The following RBM39 variants were observed in gnomAD, a reference collection of about 807,000 sequenced individuals.
The protein encoded by RBM39 is RNA binding motif protein 39.
Under a neutral mutation model 79.6 loss-of-function variants are expected in RBM39, and 12 were observed. The observed-to-expected ratio is 0.15, with a 90% CI of 0.10 to 0.24. The LOEUF (loss-of-function observed/expected upper bound fraction) is 0.24, where lower values mean the gene tolerates loss of function less well. Among genes scored for constraint, RBM39 ranks in the 10% least tolerant of loss-of-function variants. RBM39 has a pLI of 1.00. For missense variants in RBM39, 243 were observed against 653.4 expected, an observed-to-expected ratio of 0.37 and a Z score of 6.85; for synonymous variants, 185 against 208.4, an observed-to-expected ratio of 0.89 and a Z score of 0.97.
chr20:35,705,701 A>C (rs1390133080), intron 14 of RBM39, among the ~76,000 whole-genome samples: 1 of 151,904 alleles, frequency 6.6e-6, no homozygotes, highest in African/African-American at 2.4e-5. Flanking sequence ...AAGAGGCTGA[A>C]GCAGGAGAAT....
At chr20:35,736,356 AC>A (rs2039903117) in intron 3 of RBM39, among the ~76,000 whole-genome samples, 1 of 152,134 alleles carries the variant, frequency 6.6e-6, no homozygotes, top group Non-Finnish European at 1.5e-5. Context: ...CCAAGCTTAT[AC>A]CAGAAAAAAG....
intron 3 of RBM39, among the ~76,000 whole-genome samples, chr20:35,733,318 A>C (rs1055395477): frequency 2.0e-5 from 3 of 151,312 alleles, no homozygotes; most frequent in East Asian, 1.9e-4. Flanking sequence ...AAAAAAAAAA[A>C]AACCCAACTC....
chr20:35,729,440 A>T (rs781436437), intron 5 of RBM39, 22 bp downstream of exon 5: 1 of 1,611,434 alleles, frequency 6.2e-7, no homozygotes, highest in South Asian at 1.1e-5. Context: ...AATTTAAACA[A>T]TTCAGAAGTA....
At chr20:35,710,677 A>G (rs2146509894) in intron 12 of RBM39, 1 of 152,332 alleles carries the variant, frequency 6.6e-6, no homozygotes, top group South Asian at 2.1e-4. Flanking sequence ...AAGCACCTCA[A>G]ACACAGTAAA....
chr20:35,740,688 G>T, intron 2 of RBM39, 136 bp downstream of exon 2: 2 of 1,309,288 alleles, frequency 1.5e-6, no homozygotes, highest in Non-Finnish European at 2.2e-6. Context: ...ATTTACTTTT[G>T]TAAGTTACAC....
chr20:35,733,217 T>G (rs921730718), intron 3 of RBM39, among the ~76,000 whole-genome samples: 4 of 150,820 alleles, frequency 2.7e-5, no homozygotes, highest in African/African-American at 9.8e-5. Context: ...GCAAGAGAAT[T>G]GCTTGAACCC....
At chr20:35,707,053 A>ATT in intron 14 of RBM39, 67 bp downstream of exon 14, 5 of 503,388 alleles carry the variant, frequency 9.9e-6, no homozygotes, top group Non-Finnish European at 1.7e-5. Context: ...AAAAAAAAAG[A>ATT]GAAATATATA....
intron 11 of RBM39, 27 bp from the exon 12 acceptor site, chr20:35,713,123 T>C (rs752808992): frequency 8.2e-5 from 131 of 1,592,644 alleles, no homozygotes; most frequent in Middle Eastern, 1.7e-4. Flanking sequence ...TTAAAGTTCC[T>C]ACTATGTTGA....
At chr20:35,708,701 T>C (rs2036047965) in intron 13 of RBM39, 1 of 152,418 alleles carries the variant, frequency 6.6e-6, no homozygotes, top group Non-Finnish European at 1.5e-5. Context: ...CATAGCCTAC[T>C]TAATGAATGG....
intron 2 of RBM39, chr20:35,740,041 C>T (rs919115284): frequency 6.3e-6 from 1 of 157,620 alleles, no homozygotes; most frequent in Non-Finnish European, 1.4e-5. Flanking sequence ...ACTATATTAG[C>T]CAATATAATT....
chr20:35,735,005 T>G lies in RBM39; in HGVS notation c.102-2870A>C, dbSNP rs913952619. On this transcript the variant is annotated intron_variant, in intron 3 of 16. Coordinates refer to ENST00000253363, the MANE Select transcript of RBM39 (RefSeq NM_184234.3). ...TTGGACTTTTTGGTTATATGGCCTC[T>G]GCAGTAAAGGTGTTTTGCTATAACT... 4 of 1,610,860 alleles carry G rather than the reference T, an allele frequency of 2.5e-6. No homozygotes were observed. In the African/African-American group the frequency reaches 5.3e-5, roughly 22 times the overall value.
At chr20:35,705,576 T>C (rs2035620754) in intron 14 of RBM39, among the ~76,000 whole-genome samples, 1 of 151,952 alleles carries the variant, frequency 6.6e-6, no homozygotes, top group Non-Finnish European at 1.5e-5. Flanking sequence ...AGTGGGCAGA[T>C]CACCAGAGAT....
At position 35,735,554 on chromosome 20, in the gene RBM39, G is replaced by T. The variant is rs533112370; in HGVS notation, c.101+3414C>A. Among the ~76,000 whole-genome samples, 10 of 152,316 alleles carry T rather than the reference G, an allele frequency of 6.6e-5. No individual in the cohort carries two copies. The East Asian group carries it at 1.7e-3, about 26-fold the overall frequency. On this transcript the variant is annotated intron_variant, in intron 3 of 16. Transcript: ENST00000253363. ...ACAATGAAGTTTTAGAATGAAAAAT[G>T]CAACACGGCACTTTCCTTTGGTTAA...
chr20:35,735,744 T>A (rs543129599), intron 3 of RBM39, among the ~76,000 whole-genome samples: 97 of 152,358 alleles, frequency 6.4e-4, no homozygotes, highest in African/African-American at 2.3e-3. Context: ...CATTTATTTA[T>A]CACCTATAAT....
intron 9 of RBM39, among the ~76,000 whole-genome samples, chr20:35,717,396 T>C (rs1413012255): frequency 3.3e-5 from 5 of 151,814 alleles, no homozygotes; most frequent in Non-Finnish European, 7.4e-5. Context: ...CTAAGATTAA[T>C]TTTTATATCA....
intron 3 of RBM39, among the ~76,000 whole-genome samples, chr20:35,735,612 G>C (rs896005140): frequency 6.6e-6 from 1 of 152,204 alleles, no homozygotes; most frequent in Non-Finnish European, 1.5e-5. Context: ...GTTTAAAGCA[G>C]AGTGTTCTGT....
chr20:35,741,130 G>A (rs2040484436), intron 1 of RBM39, among the ~76,000 whole-genome samples: 1 of 135,620 alleles, frequency 7.4e-6, no homozygotes, highest in Non-Finnish European at 1.5e-5. Flanking sequence ...CGCCTCCCAG[G>A]TTCCAGCGAT....
intron 9 of RBM39, among the ~76,000 whole-genome samples, chr20:35,717,234 C>A (rs1287028602): frequency 6.6e-6 from 1 of 151,178 alleles, no homozygotes; most frequent in African/African-American, 2.4e-5. Flanking sequence ...GACCCCAGAG[C>A]ACGCCACTGT....
At chr20:35,724,486 C>T in intron 8 of RBM39, 84 bp downstream of exon 8, 2 of 1,294,308 alleles carry the variant, frequency 1.5e-6, no homozygotes, top group East Asian at 2.6e-5. Context: ...GAGCAGCAGT[C>T]ACAGAACACA....
Sources: allele counts gnomAD v4.1 joint callset (sites outside exome capture counted in the v4.1 genomes callset), GRCh38; gene constraint gnomAD v4.1.1; transcripts MANE v1.5; gene names NCBI Gene and HGNC (gene_info 2026-07-23, HGNC 2026-07-21).